Variants in EPB41L5 observed in about 807,000 individuals in gnomAD.
EPB41L5 encodes the protein erythrocyte membrane protein band 4.1 like 5.
In EPB41L5, 55 loss-of-function variants were observed where a neutral mutation model predicts 106.6. The ratio of observed to expected loss-of-function variants is 0.52; its 90% CI spans 0.42 to 0.65. The LOEUF (loss-of-function observed/expected upper bound fraction) is 0.65. Ranked by LOEUF, EPB41L5 falls within the 30% of genes least tolerant of loss-of-function variation. The pLI is 0.00. For missense variants in EPB41L5, 871 were observed against 882.1 expected, an observed-to-expected ratio of 0.99 and a Z score of 0.16; for synonymous variants, 297 against 306.7, an observed-to-expected ratio of 0.97 and a Z score of 0.33.
intron 20 of EPB41L5, chr2:120,160,606 A>G (rs1687097992): frequency 3.2e-6 from 1 of 310,642 alleles, no homozygotes. Context: ...GTACTAATTT[A>G]CATTCCCACC....
chr2:120,152,642 T>C (rs1686728422), intron 20 of EPB41L5, among the ~76,000 whole-genome samples: 1 of 152,232 alleles, frequency 6.6e-6, no homozygotes, highest in Non-Finnish European at 1.5e-5. Context: ...AAGTGTTCCT[T>C]CTTCTGCTGT....
intron 2 of EPB41L5, among the ~76,000 whole-genome samples, chr2:120,028,414 G>A (rs1024053688): frequency 6.6e-6 from 1 of 151,984 alleles, no homozygotes; most frequent in African/African-American, 2.4e-5. Flanking sequence ...GGACACTTGT[G>A]GCCCCAACTA....
chr2:120,104,462 G>T (rs1684333008), intron 16 of EPB41L5: 1 of 1,294,252 alleles, frequency 7.7e-7, no homozygotes, highest in Non-Finnish European at 9.8e-7. Flanking sequence ...GTGTTGAAAA[G>T]AGTGTGTATA....
At position 120,164,270 on chromosome 2, in the gene EPB41L5, G is replaced by A. The variant is rs534335574; in HGVS notation, c.1888-566G>A. Among the ~76,000 whole-genome samples the A allele has an allele frequency of 2.6e-5, 4 of 152,134 alleles. No homozygotes were observed. In the South Asian group the frequency reaches 6.2e-4, roughly 24 times the overall value. ...CACTCTGTCATCCAGGCTGGAGTAC[G>A]GTGGTGTAATCTTGGCTCACTGCAG... is the stretch of plus-strand genomic sequence containing the variant. On this transcript the variant is annotated intron_variant, in intron 21 of 24. Transcript: ENST00000263713.
chr2:120,019,792 C>G (rs996779092), intron 2 of EPB41L5, among the ~76,000 whole-genome samples: 1 of 152,284 alleles, frequency 6.6e-6, no homozygotes, highest in East Asian at 1.9e-4. Context: ...TTTCTTCATA[C>G]CCCTCAGCTC....
At chr2:120,050,980 C>A (rs1402699041) in intron 3 of EPB41L5, among the ~76,000 whole-genome samples, 1 of 152,212 alleles carries the variant, frequency 6.6e-6, no homozygotes, top group South Asian at 2.1e-4. Flanking sequence ...GTGAATATTG[C>A]TGAACAGCAA....
At chr2:120,109,195 A>G (rs975646487) in intron 16 of EPB41L5, among the ~76,000 whole-genome samples, 8 of 152,310 alleles carry the variant, frequency 5.3e-5, no homozygotes, top group African/African-American at 1.9e-4. Context: ...TATACTCTGC[A>G]TATAGCTGGT....
chr2:120,081,782 T>C (rs1476339485), intron 10 of EPB41L5, among the ~76,000 whole-genome samples: 1 of 152,094 alleles, frequency 6.6e-6, no homozygotes, highest in East Asian at 1.9e-4. Context: ...TCTTTTATTT[T>C]GTTGAGCAGT....
chr2:120,099,119 G>A (rs1385854003), intron 14 of EPB41L5, among the ~76,000 whole-genome samples: 1 of 152,164 alleles, frequency 6.6e-6, no homozygotes, highest in Non-Finnish European at 1.5e-5. Context: ...GAAACACAGT[G>A]CTGTCGTTAA....
intron 16 of EPB41L5, among the ~76,000 whole-genome samples, chr2:120,109,820 T>A (rs1057316214): frequency 3.3e-5 from 5 of 152,256 alleles, no homozygotes; most frequent in African/African-American, 1.2e-4. Context: ...TTGCTATCTC[T>A]TCTTTCTCTT....
chr2:120,100,683 T>A lies in EPB41L5; in HGVS notation c.1222-16T>A, dbSNP rs779582700. 3 of 1,593,888 alleles carry A rather than the reference T, an allele frequency of 1.9e-6. No homozygotes were observed. Among genetic ancestry groups the A allele is most frequent in the African/African-American group, 2.7e-5 (2 of 74,474 alleles). On this transcript the variant is annotated splice_polypyrimidine_tract_variant and intron_variant, in intron 15 of 24. Transcript: ENST00000263713. The stretch of plus-strand genomic sequence containing the variant: ...ATCGAGGCAAAATAGATAATTTTTA[T>A]AATTTTTGTCCAAAGGCTTGGGGGA...
intron 19 of EPB41L5, among the ~76,000 whole-genome samples, chr2:120,145,597 A>G (rs1024518667): frequency 2.6e-5 from 4 of 152,162 alleles, no homozygotes; most frequent in African/African-American, 9.7e-5. Flanking sequence ...GATGTTGGCT[A>G]AACACTTGTA....
intron 5 of EPB41L5, among the ~76,000 whole-genome samples, chr2:120,074,766 G>A (rs1682113261): frequency 6.6e-6 from 1 of 152,034 alleles, no homozygotes; most frequent in South Asian, 2.1e-4. Context: ...CCTTTAGAAG[G>A]GTTTCCTTTA....
intron 16 of EPB41L5, among the ~76,000 whole-genome samples, chr2:120,110,206 C>T (rs370091813): frequency 6.6e-6 from 1 of 152,196 alleles, no homozygotes; most frequent in African/African-American, 2.4e-5. Flanking sequence ...GCTCACTTCA[C>T]GAAATTGTCA....
At chr2:120,034,234 C>T (rs1678901824) in intron 2 of EPB41L5, among the ~76,000 whole-genome samples, 1 of 152,168 alleles carries the variant, frequency 6.6e-6, no homozygotes, top group Non-Finnish European at 1.5e-5. Flanking sequence ...ACGCAGCTGT[C>T]TAGCTGGCAG....
intron 24 of EPB41L5, among the ~76,000 whole-genome samples, chr2:120,171,782 C>T (rs1012939434): frequency 6.6e-6 from 1 of 152,160 alleles, no homozygotes; most frequent in Non-Finnish European, 1.5e-5. Context: ...GTCCCAGACA[C>T]ATTCCAGAGC....
intron 10 of EPB41L5, among the ~76,000 whole-genome samples, chr2:120,084,994 T>TG (rs1336750994): frequency 1.3e-4 from 20 of 152,310 alleles, no homozygotes; most frequent in Admixed American, 4.6e-4. Context: ...TTTAAGGACT[T>TG]GTCTACACTA....
chr2:120,160,183 A>T (rs1160023493), intron 20 of EPB41L5, among the ~76,000 whole-genome samples: 1 of 152,224 alleles, frequency 6.6e-6, no homozygotes. Flanking sequence ...GTTTACCTGT[A>T]TAACAAACCT....
At chr2:120,127,909 A>T in intron 17 of EPB41L5, 58 bp downstream of exon 17, 1 of 1,414,356 alleles carries the variant, frequency 7.1e-7, no homozygotes, top group Non-Finnish European at 9.5e-7. Flanking sequence ...TTGAAATAAG[A>T]TATTTAAATC....
Sources: gnomAD v4.1 joint callset for allele counts (sites outside exome capture counted in the v4.1 genomes callset) on GRCh38, gnomAD v4.1.1 for gene constraint, MANE v1.5 for transcripts, NCBI Gene and HGNC (gene_info 2026-07-23, HGNC 2026-07-21) for gene names.